The following POU2F3 variants were observed in gnomAD, a reference collection of about 807,000 sequenced individuals.
The protein encoded by POU2F3 is POU domain, class 2, transcription factor 3.
A neutral mutation model predicts 59.2 loss-of-function variants in POU2F3; 23 were observed. The ratio of observed to expected loss-of-function variants is 0.39; its 90% confidence interval spans 0.28 to 0.55. POU2F3 has a LOEUF of 0.55. POU2F3 is among the 20% of genes least tolerant of loss of function. The probability of loss-of-function intolerance (pLI) is 0.66; values close to 1 mark genes in which losing one functional copy is unlikely to be tolerated. For missense variants in POU2F3, 473 were observed against 544.5 expected (o/e 0.87, Z 1.31); for synonymous variants, 190 against 214.6 (o/e 0.89, Z 1.00).
At chr11:120,288,128 C>CAA in intron 3 of POU2F3, among the ~76,000 whole-genome samples, 4,013 of 63,204 alleles carry the variant, frequency 0.063, 413 homozygotes, top group Non-Finnish European at 0.07. Context: ...ACAAAAAAAC[C>CAA]AAAAAAAAAA....
chr11:120,312,910 G>A (rs1941686835), intron 10 of POU2F3, among the ~76,000 whole-genome samples: 1 of 152,118 alleles, frequency 6.6e-6, no homozygotes. Context: ...GGTGCAGAGA[G>A]GTGTGAGGGC....
chr11:120,272,597 G>C (rs1940124309), intron 3 of POU2F3, among the ~76,000 whole-genome samples: 1 of 152,210 alleles, frequency 6.6e-6, no homozygotes, highest in Non-Finnish European at 1.5e-5. Context: ...CAGGCCAGTT[G>C]GTGCAGCCAG....
chr11:120,250,595 C>G (rs1416559384), intron 2 of POU2F3, among the ~76,000 whole-genome samples: 2 of 152,190 alleles, frequency 1.3e-5, no homozygotes, highest in Non-Finnish European at 2.9e-5. Flanking sequence ...CAGAACTAAG[C>G]CTGAGTCTTT....
At chr11:120,309,709 T>G in intron 10 of POU2F3, 123 bp downstream of exon 10, 1 of 1,150,432 alleles carries the variant, frequency 8.7e-7, no homozygotes, top group African/African-American at 1.5e-5. Context: ...AGATGCTGTA[T>G]AGAATATAGT....
chr11:120,270,273 C>T (rs1352869246), intron 3 of POU2F3, among the ~76,000 whole-genome samples: 1 of 152,008 alleles, frequency 6.6e-6, no homozygotes, highest in Non-Finnish European at 1.5e-5. Context: ...TGAAGGAGCT[C>T]AAAGTCTAGT....
chr11:120,304,654 G>A (rs769204754), intron 6 of POU2F3, among the ~76,000 whole-genome samples: 2 of 152,064 alleles, frequency 1.3e-5, no homozygotes, highest in Non-Finnish European at 2.9e-5. Flanking sequence ...TCTTTGTCCA[G>A]TTCTGTGATT....
chr11:120,294,892 G>A (rs1265941427), intron 3 of POU2F3, among the ~76,000 whole-genome samples: 1 of 151,618 alleles, frequency 6.6e-6, no homozygotes, highest in Non-Finnish European at 1.5e-5. Context: ...ACACCCAGAA[G>A]GTAATGAATT....
At chr11:120,267,534 A>C in intron 2 of POU2F3, among the ~76,000 whole-genome samples, 1 of 130,336 alleles carries the variant, frequency 7.7e-6, no homozygotes, top group Admixed American at 7.9e-5. Context: ...CTCTGCTGCC[A>C]CCTTGCCAGC....
At chr11:120,306,731 T>C (rs1346798461) in intron 8 of POU2F3, among the ~76,000 whole-genome samples, 1 of 151,816 alleles carries the variant, frequency 6.6e-6, no homozygotes, top group Non-Finnish European at 1.5e-5. Context: ...GAGAAAAGGG[T>C]GGGGCAGCCA....
chr11:120,237,325 C>A (rs991239996), upstream of POU2F3, among the ~76,000 whole-genome samples: 1 of 152,094 alleles, frequency 6.6e-6, no homozygotes, highest in Admixed American at 6.5e-5. Flanking sequence ...ATCCTCTCCC[C>A]ACCCAGCCCC....
At chr11:120,258,291 GC>G (rs1939437471) in intron 2 of POU2F3, among the ~76,000 whole-genome samples, 1 of 152,126 alleles carries the variant, frequency 6.6e-6, no homozygotes. Flanking sequence ...ACCTCTCTGA[GC>G]CCCTTCCTCT....
intron 3 of POU2F3, among the ~76,000 whole-genome samples, chr11:120,287,052 C>T (rs559511154): frequency 3.2e-4 from 48 of 152,308 alleles, no homozygotes; most frequent in African/African-American, 1.1e-3. Flanking sequence ...TCATCTTGAC[C>T]TCCAGGACAG....
chr11:120,295,649 A>G (rs744983), intron 3 of POU2F3, among the ~76,000 whole-genome samples: 61,504 of 152,174 alleles, frequency 0.4, 15,423 homozygotes, highest in East Asian at 0.8. Flanking sequence ...ATCTAAGGAT[A>G]TGGAAACTCT....
intron 11 of POU2F3, among the ~76,000 whole-genome samples, chr11:120,316,472 A>T (rs1490654338): frequency 1.3e-5 from 2 of 152,206 alleles, no homozygotes; most frequent in East Asian, 3.9e-4. Context: ...TCTGTTGCCC[A>T]GGCAATGTGG....
chr11:120,291,161 TTC>T (rs1330676673), intron 3 of POU2F3, among the ~76,000 whole-genome samples: 1 of 152,172 alleles, frequency 6.6e-6, no homozygotes, highest in Non-Finnish European at 1.5e-5. Flanking sequence ...GGGTTCAGAG[TTC>T]TTTCTTTTGA....
intron 4 of POU2F3, 106 bp downstream of exon 4, chr11:120,298,496 T>C (rs1941254725): frequency 6.9e-7 from 1 of 1,458,940 alleles, no homozygotes; most frequent in African/African-American, 1.4e-5. Context: ...CTGCAGGCAA[T>C]GTGGGAAAGA....
chr11:120,312,651 A>G (rs1366892789), intron 10 of POU2F3, among the ~76,000 whole-genome samples: 4 of 152,210 alleles, frequency 2.6e-5, no homozygotes, highest in Admixed American at 6.5e-5. Context: ...TTCACTGAGC[A>G]CCTGCTATAT....
chr11:120,302,764 C>A (rs1941383431), intron 6 of POU2F3: 3 of 175,298 alleles, frequency 1.7e-5, no homozygotes, highest in Non-Finnish European at 3.6e-5. Context: ...TACTACAGAC[C>A]TGATGTCCCA....
chr11:120,239,511 G>A (rs1007792350), upstream of POU2F3, among the ~76,000 whole-genome samples: 3 of 152,154 alleles, frequency 2.0e-5, no homozygotes, highest in African/African-American at 7.2e-5. Context: ...ACCTGGGGCG[G>A]GAGACTGGAG....
Sources: allele counts gnomAD v4.1 joint callset (sites outside exome capture counted in the v4.1 genomes callset), GRCh38; gene constraint gnomAD v4.1.1; transcripts MANE v1.5; gene names NCBI Gene and HGNC (gene_info 2026-07-23, HGNC 2026-07-21).